Variants in CCDC28A observed in about 807,000 individuals in gnomAD.
The protein encoded by CCDC28A is coiled-coil domain containing 28A, also known as coiled-coil domain-containing protein 28A.
CCDC28A carries 24 observed loss-of-function variants against 22.1 expected under a neutral mutation model. That is an observed-to-expected ratio of 1.09 (90% CI 0.79 to 1.53). The LOEUF (loss-of-function observed/expected upper bound fraction) is 1.53, where lower values mean the gene tolerates loss of function less well. Among genes scored for constraint, CCDC28A ranks in the 40% most tolerant of loss-of-function variants. The probability of loss-of-function intolerance (pLI) is 0.00; values close to 1 mark genes in which losing one functional copy is unlikely to be tolerated. For synonymous variants in CCDC28A, 83 were observed against 74.7 expected (o/e 1.11, Z -0.57); for missense variants, 170 against 210.7 (o/e 0.81, Z 1.20).
At chr6:138,791,583 C>A (rs1333501335) in intron 5 of CCDC28A, among the ~76,000 whole-genome samples, 1 of 152,002 alleles carries the variant, frequency 6.6e-6, no homozygotes, top group African/African-American at 2.4e-5. Flanking sequence ...TTTTCATTCC[C>A]CTCAGGCTGG....
Position 138,776,102 on chromosome 6 carries a change from C to G in CCDC28A, c.-19C>G, listed in dbSNP as rs183306815. On this transcript the variant is annotated 5_prime_UTR_variant, in exon 2 of 6. Transcript: ENST00000617445. ...AGGTCTTAAGAAGCTGGCCGTGGTG[C>G]AATAAGGAACTTAAAACAATGGAAG... is the stretch of plus-strand genomic sequence containing the variant. 13 of 1,613,902 alleles carry G rather than the reference C, an allele frequency of 8.1e-6. No homozygotes were observed. The African/African-American group carries it at 1.2e-4, about 15-fold the overall frequency.
At position 138,792,734 on chromosome 6, in the gene CCDC28A, A is replaced by AACTC; in HGVS notation, c.501-12_501-11insCACT. ...CCCCTTATAGAATGAAAATCTTCTT[A>AACTC]ACTGATTAATTCAGACAAAAACTCC... On this transcript the variant is annotated splice_polypyrimidine_tract_variant and intron_variant, in intron 5 of 5. Transcript: ENST00000617445. The AACTC allele has an allele frequency of 6.4e-7, 1 of 1,561,686 alleles. No individual in the cohort carries two copies.
intron 5 of CCDC28A, among the ~76,000 whole-genome samples, 180 bp downstream of exon 5, chr6:138,788,568 C>CTTTT (rs3070099): frequency 0.11 from 9,621 of 91,000 alleles, 1,045 homozygotes; most frequent in Non-Finnish European, 0.13. Context: ...TTTTTCTTTT[C>CTTTT]TTTTTTTTTT....
At chr6:138,792,717 A>G (rs1232263296) in intron 5 of CCDC28A, 32 bp from the exon 6 acceptor site, 9 of 1,404,124 alleles carry the variant, frequency 6.4e-6, no homozygotes, top group Middle Eastern at 2.3e-4. Flanking sequence ...TACCCCTTAT[A>G]GAATGAAAAT....
chr6:138,776,329 C>A, intron 2 of CCDC28A, 51 bp downstream of exon 2: 1 of 1,413,850 alleles, frequency 7.1e-7, no homozygotes, highest in Non-Finnish European at 1.0e-6. Flanking sequence ...TAAAGTAAAT[C>A]CTGACTCAAC....
intron 1 of CCDC28A, among the ~76,000 whole-genome samples, chr6:138,775,214 C>T (rs1234703829): frequency 1.3e-5 from 2 of 152,206 alleles, no homozygotes; most frequent in Admixed American, 6.5e-5. Context: ...GCTGGGATTA[C>T]AGGCGTGAGC....
At chr6:138,788,158 A>G (rs1201388471) in intron 4 of CCDC28A, among the ~76,000 whole-genome samples, 1 of 150,196 alleles carries the variant, frequency 6.7e-6, no homozygotes, top group African/African-American at 2.5e-5. Flanking sequence ...AGGAGGTCTT[A>G]CCATGTTGTC....
intron 1 of CCDC28A, among the ~76,000 whole-genome samples, chr6:138,774,933 G>GT (rs1226857868): frequency 2.1e-5 from 3 of 146,098 alleles, no homozygotes; most frequent in East Asian, 1.9e-4. Context: ...TATGGAAGGG[G>GT]TTTTTTTGTT....
At chr6:138,780,958 A>G (rs760847687) in intron 3 of CCDC28A, among the ~76,000 whole-genome samples, 3 of 152,228 alleles carry the variant, frequency 2.0e-5, no homozygotes, top group Admixed American at 1.3e-4. Flanking sequence ...TAGAAGATGC[A>G]TAATCTTATA....
At position 138,785,330 on chromosome 6, in the gene CCDC28A, G is replaced by T. The variant is rs1474472374; in HGVS notation, c.426G>T (p.Glu142Asp). Reference sequence around the variant, plus strand: ...ATGGGGAGTTAGAGGAACTTCCTGAGGATAAGAGAAAAACAGCCAGTGACT... The same window carrying T: ...ATGGGGAGTTAGAGGAACTTCCTGATGATAAGAGAAAAACAGCCAGTGACT... ...ELYGELEELP[E>D]DKRKTASDSN... is the part of the protein sequence containing the mutation. The change falls in exon 4 of 6, where the codon GAG (glutamate) becomes GAT (aspartate). Residue 142 changes from glutamate (E) to aspartate (D), a missense_variant. Coordinates refer to ENST00000617445, the MANE Select transcript of CCDC28A (RefSeq NM_015439.3). 1 of 1,613,468 alleles carries T rather than the reference G, an allele frequency of 6.2e-7. No individual in the cohort carries two copies. Among genetic ancestry groups the T allele is most frequent in the Non-Finnish European group, 8.5e-7 (1 of 1,179,492 alleles).
chr6:138,774,011 T>G, intron 1 of CCDC28A, 109 bp downstream of exon 1: 2 of 1,342,534 alleles, frequency 1.5e-6, no homozygotes, highest in Non-Finnish European at 2.1e-6. Flanking sequence ...TTCGGTAGAT[T>G]GGGGAAGGGG....
intron 3 of CCDC28A, among the ~76,000 whole-genome samples, chr6:138,780,576 T>TA (rs1185580567): frequency 6.7e-6 from 1 of 149,046 alleles, no homozygotes; most frequent in Non-Finnish European, 1.5e-5. Context: ...TTCCCAATTT[T>TA]TTTTTTTTTT....
At position 138,776,224 on chromosome 6, in the gene CCDC28A, C is replaced by A. The variant is rs1425380953; in HGVS notation, c.104C>A (p.Thr35Lys). 6.2e-7 allele frequency: 1 copy of A among 1,614,006 alleles called. No homozygotes were observed. Among genetic ancestry groups the A allele is most frequent in the East Asian group, 2.2e-5 (1 of 44,884 alleles). ...AATGCCATTCCAGTGAGTAAAAGCA[C>A]AGGGTTTTCAAATCCTGCATCACAG... ...KKNAIPVSKSTGFSNPASQST... is the reference protein window; with the variant it reads ...KKNAIPVSKSKGFSNPASQST... Residue 35 changes from threonine to lysine, a missense_variant, in exon 2 of 6, where the codon ACA (threonine) becomes AAA (lysine). Coordinates refer to ENST00000617445, the MANE Select transcript of CCDC28A (RefSeq NM_015439.3).
rs1420460070 is a variant in CCDC28A, at chr6:138,792,932, C to G, written c.*129C>G. ...GTAATTAAAGTGCAAGTTCAATGAT[C>G]GTTTTCACTTACTGCTTTTAGTAAA... On this transcript the variant is annotated 3_prime_UTR_variant, in exon 6 of 6. Transcript: ENST00000617445. The G allele has an allele frequency of 3.0e-6, 2 of 656,132 alleles. No homozygotes were observed. The highest frequency in any genetic ancestry group is 5.4e-6 in the Non-Finnish European group (2 of 370,138). 40.6% of individuals were successfully genotyped at this position (656,132 alleles called of 1,614,324 possible).
intron 5 of CCDC28A, among the ~76,000 whole-genome samples, chr6:138,791,691 C>T (rs1775173121): frequency 1.3e-5 from 2 of 152,188 alleles, no homozygotes; most frequent in African/African-American, 4.8e-5. Context: ...CCTCCTTGTT[C>T]TCCTTATCAC....
At chr6:138,790,774 T>A (rs1221256743) in intron 5 of CCDC28A, among the ~76,000 whole-genome samples, 5 of 152,224 alleles carry the variant, frequency 3.3e-5, no homozygotes, top group Non-Finnish European at 5.9e-5. Flanking sequence ...TGGCAGACAT[T>A]GCTAATCAGA....
Position 138,776,098 on chromosome 6 carries a change from G to T in CCDC28A, c.-23G>T, listed in dbSNP as rs761049854. The T allele has an allele frequency of 5.3e-5, 86 of 1,613,874 alleles. 1 individual carries two copies. The South Asian group carries it at 8.8e-4, about 16-fold the overall frequency. ...ATTTAGGTCTTAAGAAGCTGGCCGT[G>T]GTGCAATAAGGAACTTAAAACAATG... On this transcript the variant is annotated 5_prime_UTR_variant, in exon 2 of 6. Coordinates refer to ENST00000617445, the MANE Select transcript of CCDC28A (RefSeq NM_015439.3).
chr6:138,776,395 C>A, intron 2 of CCDC28A, 117 bp downstream of exon 2: 1 of 750,368 alleles, frequency 1.3e-6, no homozygotes, highest in Non-Finnish European at 2.2e-6. Context: ...TTGAGGCACC[C>A]ATTATGCGTG....
In CCDC28A at chr6:138,779,877, A is replaced by G. The variant is rs370349913; in HGVS notation, c.214A>G (p.Thr72Ala). Residue 72 changes from threonine to alanine, a missense_variant, in exon 3 of 6, where the codon ACT (threonine) becomes GCT (alanine). Physicochemically the swap from Thr to Ala is moderately conservative, Grantham distance 58 (BLOSUM62 0). Transcript: ENST00000617445. ...QGGEGKGAQS[T>A]PIQHSFLTDV... ...TGGAGAGGGCAAAGGCGCTCAGTCA[A>G]CTCCGATCCAGCACTCCTTCCTCAC... 1.2e-6 allele frequency: 2 copies of G among 1,613,854 alleles called. No homozygotes were observed. Among genetic ancestry groups the G allele is most frequent in the African/African-American group, 1.3e-5 (1 of 74,990 alleles).
Sources: gnomAD v4.1 joint callset for allele counts (sites outside exome capture counted in the v4.1 genomes callset) on GRCh38, gnomAD v4.1.1 for gene constraint, MANE v1.5 for transcripts, NCBI Gene and HGNC (gene_info 2026-07-23, HGNC 2026-07-21) for gene names.